SRD5A2: variants seen among roughly 807,000 people sequenced by gnomAD.
SRD5A2 encodes the protein steroid 5 alpha-reductase 2.
In SRD5A2, 30 loss-of-function variants were observed where a neutral mutation model predicts 27.4. The ratio of observed to expected loss-of-function variants is 1.10; its 90% CI spans 0.82 to 1.49. The LOEUF is 1.49. SRD5A2 is among the 40% of genes most tolerant of loss of function. The pLI is 0.00. For missense variants in SRD5A2, 348 were observed against 323.4 expected, an observed-to-expected ratio of 1.08 and a Z score of -0.58; for synonymous variants, 141 against 133.6, an observed-to-expected ratio of 1.06 and a Z score of -0.38.
chr2:31,529,466 A>C lies in SRD5A2; in HGVS notation c.548-9T>G, dbSNP rs1057519061. 13 of 1,610,966 alleles carry C rather than the reference A, an allele frequency of 8.1e-6. No individual in the cohort carries two copies. In the East Asian group the frequency reaches 2.5e-4, roughly 30 times the overall value. Reference sequence around the variant, plus strand: ...ATACGTAAACAAGCCACCTGCGTGCAGAAGAATCGGAAGGTCAATCATTGC... The same window carrying C: ...ATACGTAAACAAGCCACCTGCGTGCCGAAGAATCGGAAGGTCAATCATTGC... On this transcript the variant is annotated splice_polypyrimidine_tract_variant and intron_variant, in intron 3 of 4. Transcript: ENST00000622030.
chr2:31,591,114 C>T, the SRD5A2 span, among the ~76,000 whole-genome samples: 1 of 152,174 alleles, frequency 6.6e-6, no homozygotes, highest in African/African-American at 2.4e-5. Context: ...AGGGCTTCTG[C>T]ACAGCAAAAG....
chr2:31,600,471 G>A, the SRD5A2 span, among the ~76,000 whole-genome samples: 1 of 151,798 alleles, frequency 6.6e-6, no homozygotes, highest in Non-Finnish European at 1.5e-5. Flanking sequence ...AAAGTGTTCT[G>A]TTTTCTCTGC....
At chr2:31,611,614 G>A in the SRD5A2 span, among the ~76,000 whole-genome samples, 6 of 152,106 alleles carry the variant, frequency 3.9e-5, no homozygotes, top group African/African-American at 1.4e-4. Flanking sequence ...TCCTGAAACT[G>A]CAAATTAAAA....
chr2:31,529,591 G>C, intron 3 of SRD5A2, 134 bp from the exon 4 acceptor site: 4 of 1,231,446 alleles, frequency 3.2e-6, no homozygotes, highest in Non-Finnish European at 4.4e-6. Context: ...ATAGTCATAG[G>C]AGTTTGGTGG....
At chr2:31,660,707 A>G in the SRD5A2 span, among the ~76,000 whole-genome samples, 1 of 152,142 alleles carries the variant, frequency 6.6e-6, no homozygotes, top group African/African-American at 2.4e-5. Flanking sequence ...TAAGTAAAAA[A>G]TATGCATATG....
In SRD5A2 at chr2:31,526,104, C is replaced by CATAT. The variant is rs1491224935; in HGVS notation, c.*91_*92insATAT. ...CAGGAGACCTACTATTACATATATA[C>CATAT]GGGACTATTATATCATGAAAATTAC... is the stretch of plus-strand genomic sequence containing the variant. On this transcript the variant is annotated 3_prime_UTR_variant, in exon 5 of 5. Coordinates refer to ENST00000622030, the MANE Select transcript of SRD5A2 (RefSeq NM_000348.4). The CATAT allele has an allele frequency of 3.8e-6, 3 of 797,382 alleles. No individual in the cohort carries two copies. The highest frequency in any genetic ancestry group is 3.9e-5 in the African/African-American group (2 of 51,646). The allele number at this position is 797,382 out of a possible 1,614,324, so 49.4% of individuals were successfully genotyped here. A position where few individuals can be genotyped will look rare whatever the true frequency, so the allele number is the denominator to read the frequency against.
At chr2:31,592,472 G>C in the SRD5A2 span, among the ~76,000 whole-genome samples, 1 of 152,208 alleles carries the variant, frequency 6.6e-6, no homozygotes, top group Non-Finnish European at 1.5e-5. Context: ...ACCTCCACCA[G>C]AGCAGACACT....
chr2:31,559,779 A>C (rs540845434), intron 1 of SRD5A2, among the ~76,000 whole-genome samples: 4 of 151,948 alleles, frequency 2.6e-5, no homozygotes, highest in Admixed American at 6.6e-5. Context: ...ACAAAAATTT[A>C]TCTATGAACT....
At chr2:31,660,942 A>G in the SRD5A2 span, among the ~76,000 whole-genome samples, 1 of 152,076 alleles carries the variant, frequency 6.6e-6, no homozygotes, top group Non-Finnish European at 1.5e-5. Context: ...ATGGCCCCAA[A>G]AGAAGGGTTC....
chr2:31,530,264 G>T (rs1297713030), intron 3 of SRD5A2, among the ~76,000 whole-genome samples: 1 of 152,068 alleles, frequency 6.6e-6, no homozygotes, highest in Non-Finnish European at 1.5e-5. Flanking sequence ...TTCAAAAGTT[G>T]GAAACTAATC....
chr2:31,657,835 G>A, the SRD5A2 span, among the ~76,000 whole-genome samples: 1 of 152,048 alleles, frequency 6.6e-6, no homozygotes, highest in Non-Finnish European at 1.5e-5. Context: ...CAATCCTGTG[G>A]GTGTGAAGAG....
intron 1 of SRD5A2, among the ~76,000 whole-genome samples, chr2:31,556,238 T>C (rs952138427): frequency 6.6e-6 from 1 of 152,198 alleles, no homozygotes; most frequent in Non-Finnish European, 1.5e-5. Context: ...TATTAGAGAA[T>C]GGGATGTGCA....
Position 31,525,429 on chromosome 2 carries a change from T to C in SRD5A2, c.*767A>G, listed in dbSNP as rs1665756088. ...TTAGTAGCCATCCAGGGTCATGTTG[T>C]TCTCTACTCTCTCATAAGCCACCCA... On this transcript the variant is annotated 3_prime_UTR_variant, in exon 5 of 5. Coordinates refer to ENST00000622030, the MANE Select transcript of SRD5A2 (RefSeq NM_000348.4). 4.4e-6 allele frequency: 1 copy of C among 226,892 alleles called. No individual in the cohort carries two copies. The highest frequency in any genetic ancestry group is 5.7e-5 in the Admixed American group (1 of 17,568). 14.1% of individuals were successfully genotyped at this position (226,892 alleles called of 1,614,324 possible).
At chr2:31,644,848 A>C in the SRD5A2 span, among the ~76,000 whole-genome samples, 1 of 152,194 alleles carries the variant, frequency 6.6e-6, no homozygotes, top group Non-Finnish European at 1.5e-5. Context: ...TGAAGTATTA[A>C]AGGACAGAGA....
intron 1 of SRD5A2, among the ~76,000 whole-genome samples, chr2:31,549,118 A>ATTG (rs1553325837): frequency 2.1e-5 from 3 of 145,664 alleles, no homozygotes; most frequent in Non-Finnish European, 4.5e-5. Context: ...TATTATTATT[A>ATTG]TTATTATTAT....
chr2:31,549,118 A>ATTATTATTATTATTG (rs1553325836), intron 1 of SRD5A2, among the ~76,000 whole-genome samples: 2 of 145,664 alleles, frequency 1.4e-5, no homozygotes, highest in Non-Finnish European at 3.0e-5. Context: ...TATTATTATT[A>ATTATTATTATTATTG]TTATTATTAT....
the SRD5A2 span, among the ~76,000 whole-genome samples, chr2:31,597,738 A>C: frequency 4.3e-4 from 66 of 152,354 alleles, no homozygotes; most frequent in African/African-American, 1.6e-3. Context: ...AATGCAAATC[A>C]AAACCACAAT....
In SRD5A2 at chr2:31,525,439, T is replaced by C. The variant is rs901162627; in HGVS notation, c.*757A>G. The stretch of plus-strand genomic sequence containing the variant: ...TCCAGGGTCATGTTGTTCTCTACTC[T>C]CTCATAAGCCACCCAGGTTCATGCC... On this transcript the variant is annotated 3_prime_UTR_variant, in exon 5 of 5. Transcript: ENST00000622030. 8.8e-6 allele frequency: 2 copies of C among 226,866 alleles called. No homozygotes were observed. Among genetic ancestry groups the C allele is most frequent in the Non-Finnish European group, 1.8e-5 (2 of 114,054 alleles). 14.1% of individuals were successfully genotyped at this position (226,866 alleles called of 1,614,324 possible).
the SRD5A2 span, among the ~76,000 whole-genome samples, chr2:31,657,037 T>C: frequency 6.6e-6 from 1 of 152,044 alleles, no homozygotes; most frequent in African/African-American, 2.4e-5. Context: ...AAAAAGTAAA[T>C]ACAAACCAGG....
Sources: gnomAD v4.1 joint callset for allele counts (sites outside exome capture counted in the v4.1 genomes callset) on GRCh38, gnomAD v4.1.1 for gene constraint, MANE v1.5 for transcripts, NCBI Gene and HGNC (gene_info 2026-07-23, HGNC 2026-07-21) for gene names.